The following CELF2 variants were observed in gnomAD, a reference collection of about 807,000 sequenced individuals.
CELF2 encodes the protein CUG triplet repeat RNA-binding protein 2.
Under a neutral mutation model 62.6 loss-of-function variants are expected in CELF2, and 8 were observed. The observed-to-expected ratio is 0.13, with a 90% CI of 0.07 to 0.23. The LOEUF (loss-of-function observed/expected upper bound fraction) is 0.23, where lower values mean the gene tolerates loss of function less well. CELF2 is among the 10% of genes least tolerant of loss of function. The probability of loss-of-function intolerance (pLI) is 1.00; values close to 1 mark genes in which losing one functional copy is unlikely to be tolerated. For synonymous variants in CELF2, 258 were observed against 250.0 expected, an observed-to-expected ratio of 1.03 and a Z score of -0.30; for missense variants, 333 against 671.0, an observed-to-expected ratio of 0.50 and a Z score of 5.56.
At chr10:10,924,724 C>CTTTTTT (rs745848953) in intron 2 of CELF2, among the ~76,000 whole-genome samples, 23,321 of 88,502 alleles carry the variant, frequency 0.26, 5,200 homozygotes, top group South Asian at 0.41. Flanking sequence ...AACTTGATCG[C>CTTTTTT]TTTTTTTTTT....
the CELF2 span, among the ~76,000 whole-genome samples, chr10:10,598,681 C>A: frequency 6.8e-6 from 1 of 147,562 alleles, no homozygotes; most frequent in Non-Finnish European, 1.5e-5. Context: ...ACCTACTGAA[C>A]AATTATGGGA....
At chr10:11,089,515 A>G (rs117432455) in intron 1 of CELF2, among the ~76,000 whole-genome samples, 1 of 152,196 alleles carries the variant, frequency 6.6e-6, no homozygotes, top group African/African-American at 2.4e-5. Context: ...GGAGGGACAG[A>G]CTGAGGAGAA....
chr10:11,100,634 A>G (rs1291828), intron 1 of CELF2, among the ~76,000 whole-genome samples: 74,143 of 151,932 alleles, frequency 0.49, 21,583 homozygotes, highest in East Asian at 0.83. Flanking sequence ...CTTCATACCA[A>G]TCCCCACCAT....
chr10:10,853,788 G>T (rs374765112), intron 1 of CELF2, among the ~76,000 whole-genome samples: 33 of 152,248 alleles, frequency 2.2e-4, no homozygotes, highest in African/African-American at 7.5e-4. Flanking sequence ...TACGCACAGT[G>T]TAGGAGGGGT....
At chr10:11,054,386 A>G (rs959988147) in intron 1 of CELF2, among the ~76,000 whole-genome samples, 1 of 152,180 alleles carries the variant, frequency 6.6e-6, no homozygotes, top group Non-Finnish European at 1.5e-5. Context: ...GGAGGAACAT[A>G]TGTAAGGTGC....
chr10:10,664,361 G>C, the CELF2 span, among the ~76,000 whole-genome samples: 2 of 152,098 alleles, frequency 1.3e-5, no homozygotes, highest in African/African-American at 2.4e-5. Context: ...TAAACACAAA[G>C]TGATATTTTT....
intron 1 of CELF2, among the ~76,000 whole-genome samples, chr10:11,144,000 A>T (rs2061795684): frequency 6.6e-6 from 1 of 152,176 alleles, no homozygotes; most frequent in African/African-American, 2.4e-5. Context: ...TGGCTGAGAA[A>T]GCTGCTTGGC....
intron 1 of CELF2, among the ~76,000 whole-genome samples, chr10:11,068,818 C>G (rs2140891727): frequency 6.6e-6 from 1 of 152,272 alleles, no homozygotes; most frequent in South Asian, 2.1e-4. Context: ...CCTCAGCTTC[C>G]CAAAGTGCTG....
intron 2 of CELF2, among the ~76,000 whole-genome samples, chr10:10,973,843 C>T (rs771826198): frequency 4.8e-4 from 73 of 152,318 alleles, no homozygotes; most frequent in Non-Finnish European, 6.5e-4. Flanking sequence ...GCTGGGATTA[C>T]AGGCATTAGC....
At position 10,812,365 on chromosome 10, in the gene CELF2, C is replaced by T. The variant is rs1025761914; in HGVS notation, c.53+13548C>T. On this transcript the variant is annotated intron_variant, in intron 1 of 13. Transcript: ENST00000636488. ...CAATTATCTCCCACTGAGTCCTTCC[C>T]ACAACATGTGGAAATTATGGAAGCT... 2.0e-5 allele frequency among the ~76,000 whole-genome samples: 3 copies of T among 152,070 alleles called. No individual in the cohort carries two copies. In the South Asian group the frequency reaches 6.2e-4, roughly 32 times the overall value.
At chr10:10,707,536 G>A in the CELF2 span, among the ~76,000 whole-genome samples, 4 of 152,054 alleles carry the variant, frequency 2.6e-5, no homozygotes, top group African/African-American at 4.8e-5. Flanking sequence ...TGAAGTATAC[G>A]AAGACAGAAA....
chr10:11,234,257 C>G (rs1260388554), intron 3 of CELF2, among the ~76,000 whole-genome samples: 1 of 152,238 alleles, frequency 6.6e-6, no homozygotes, highest in Non-Finnish European at 1.5e-5. Context: ...GAGCTCCAAA[C>G]TCCTTGAGAG....
chr10:11,226,667 G>A (rs993993397), intron 3 of CELF2, among the ~76,000 whole-genome samples: 1 of 151,644 alleles, frequency 6.6e-6, no homozygotes, highest in African/African-American at 2.4e-5. Context: ...CACAGCAGGG[G>A]CATCGGGGCA....
the CELF2 span, among the ~76,000 whole-genome samples, chr10:10,598,614 T>TGCAG: frequency 3.3e-5 from 5 of 152,184 alleles, no homozygotes; most frequent in Non-Finnish European, 7.3e-5. Context: ...TGCAGGTTAT[T>TGCAG]GTGTGCCTAT....
rs971178659 is a variant in CELF2 at position 11,242,490 on chromosome 10, C to T, written c.355-6663C>T. ...CCCCACGAGGTTGTGTCCATAGTGG[C>T]GACTCTGGAGAGTATAGCTGCTGGG... On this transcript the variant is annotated intron_variant, in intron 3 of 12. Transcript: ENST00000633077. This position sits in a 1 kb window ranked among gnomAD's most constrained non-coding sequence, Gnocchi z 4.8. 5.9e-5 allele frequency among the ~76,000 whole-genome samples: 9 copies of T among 152,240 alleles called. No individual in the cohort carries two copies. The East Asian group carries it at 1.2e-3, about 20-fold the overall frequency.
At chr10:10,847,664 G>A (rs953011783) in intron 1 of CELF2, among the ~76,000 whole-genome samples, 1 of 152,232 alleles carries the variant, frequency 6.6e-6, no homozygotes, top group Non-Finnish European at 1.5e-5. Flanking sequence ...GTATGCAAGA[G>A]CGTGTTCATT....
Position 11,257,863 on chromosome 10 carries a change from C to T in CELF2, c.529C>T (p.Leu177=). 1 of 1,614,142 alleles carries T rather than the reference C, an allele frequency of 6.2e-7. No homozygotes were observed. The part of the protein sequence containing the change: ...ECRILRGPDG[L]SRGCAFVTFS... ...CCGGATCCTCCGGGGACCTGATGGG[C>T]TGAGTCGAGGTGAGTGTGCTGTCTG... Residue 177 remains leucine, a synonymous_variant, in exon 5 of 13, where the codon CTG becomes TTG. Coordinates refer to ENST00000633077, the MANE Select transcript of CELF2 (RefSeq NM_001326342.2).
At chr10:10,743,939 A>C in the CELF2 span, among the ~76,000 whole-genome samples, 1 of 152,108 alleles carries the variant, frequency 6.6e-6, no homozygotes, top group Non-Finnish European at 1.5e-5. Flanking sequence ...ATCTTTGATA[A>C]CCCCTGGATA....
intron 3 of CELF2, among the ~76,000 whole-genome samples, chr10:11,248,711 T>C (rs56689396): frequency 0.036 from 5,462 of 152,320 alleles, 324 homozygotes; most frequent in African/African-American, 0.12. Context: ...TGAAGCACTT[T>C]ACATGCATTT....
Sources: allele counts gnomAD v4.1 joint callset (sites outside exome capture counted in the v4.1 genomes callset), GRCh38; gene constraint gnomAD v4.1.1; non-coding constraint Gnocchi (gnomAD v3.1); transcripts MANE v1.5; gene names NCBI Gene and HGNC (gene_info 2026-07-23, HGNC 2026-07-21).